Variants in AMZ2 observed in about 807,000 individuals in gnomAD.
AMZ2 encodes archaemetzincin-2.
Under a neutral mutation model 36.7 loss-of-function variants are expected in AMZ2, and 26 were observed. That is an observed-to-expected ratio of 0.71 (90% CI 0.52 to 0.98). The LOEUF (loss-of-function observed/expected upper bound fraction) is 0.98, where lower values mean the gene tolerates loss of function less well. Ranked by LOEUF, AMZ2 falls within the 50% of genes least tolerant of loss-of-function variation. AMZ2 has a pLI of 0.00. For synonymous variants in AMZ2, 144 were observed against 149.1 expected (o/e 0.97, Z 0.25); for missense variants, 394 against 430.5 (o/e 0.92, Z 0.75).
intron 1 of AMZ2, among the ~76,000 whole-genome samples, chr17:68,229,790 T>C (rs1555730767): frequency 1.3e-5 from 2 of 152,196 alleles, no homozygotes; most frequent in South Asian, 2.1e-4. Context: ...ACCACCCCCA[T>C]GTCAGGGGTC....
intron 1 of AMZ2, among the ~76,000 whole-genome samples, chr17:68,228,770 A>T (rs2073580466): frequency 6.6e-6 from 1 of 152,248 alleles, no homozygotes; most frequent in Non-Finnish European, 1.5e-5. Flanking sequence ...CCTGGCCCAT[A>T]TGCTGCCTTG....
At chr17:68,252,936 CT>C (rs2074596425) in intron 4 of AMZ2, among the ~76,000 whole-genome samples, 1 of 152,232 alleles carries the variant, frequency 6.6e-6, no homozygotes, top group Non-Finnish European at 1.5e-5. Flanking sequence ...TACTTTAATT[CT>C]TTTTTTGGTA....
chr17:68,240,807 C>A (rs1281039285), intron 1 of AMZ2, among the ~76,000 whole-genome samples: 1 of 152,154 alleles, frequency 6.6e-6, no homozygotes, highest in Non-Finnish European at 1.5e-5. Flanking sequence ...GAAACTGGAG[C>A]AAACTGTTTA....
At position 68,235,531 on chromosome 17, in the gene AMZ2, AG is replaced by A. The variant is rs1440735722; in HGVS notation, c.-66-13107del. Among the ~76,000 whole-genome samples, 7 of 152,110 alleles carry A rather than the reference AG, an allele frequency of 4.6e-5. No homozygotes were observed. Among genetic ancestry groups the A allele is most frequent in the African/African-American group, 1.7e-4 (7 of 41,418 alleles). On this transcript the variant is annotated intron_variant, in intron 1 of 7. Coordinates refer to the AMZ2 transcript ENST00000674770. This position sits in a 1 kb window ranked among gnomAD's most constrained non-coding sequence, Gnocchi z 4.2. ...ACTGTGGCACACGGGCCTGAGCCTC[AG>A]GAACACTGCAAAGTAGGTTGGCTTC...
upstream of AMZ2, chr17:68,247,633 A>C: frequency 1.0e-6 from 1 of 985,480 alleles, no homozygotes; most frequent in Non-Finnish European, 1.2e-6. Context: ...GCTCTACGTC[A>C]ACCTGCGGCG....
At position 68,235,843 on chromosome 17, in the gene AMZ2, T is replaced by G. The variant is rs1472800759; in HGVS notation, c.-66-12797T>G. Among the ~76,000 whole-genome samples the G allele has an allele frequency of 6.6e-6, 1 of 152,016 alleles. No individual in the cohort carries two copies. Among genetic ancestry groups the G allele is most frequent in the African/African-American group, 2.4e-5 (1 of 41,378 alleles). On this transcript the variant is annotated intron_variant, in intron 1 of 7. Transcript: ENST00000674770. This position sits in a 1 kb window ranked among gnomAD's most constrained non-coding sequence, Gnocchi z 4.2. ...TAGCCCAAAATCTTACTTTTTTTTTTTTTCGAGATAGTTTCTCACTTGGTC... is the reference window on the plus strand; with the variant it reads ...TAGCCCAAAATCTTACTTTTTTTTTGTTTCGAGATAGTTTCTCACTTGGTC...
At chr17:68,216,398 TG>T (rs2073195602) in intron 1 of AMZ2, among the ~76,000 whole-genome samples, 2 of 152,204 alleles carry the variant, frequency 1.3e-5, no homozygotes, top group Non-Finnish European at 2.9e-5. Flanking sequence ...CCTCCCAAAG[TG>T]ATAGGATTAC....
At chr17:68,253,759 A>ATT (rs71142159) in intron 4 of AMZ2, among the ~76,000 whole-genome samples, 55,702 of 146,400 alleles carry the variant, frequency 0.38, 10,958 homozygotes, top group East Asian at 0.58. Flanking sequence ...TGTTCATGTG[A>ATT]TTTTTTTTTT....
At chr17:68,249,020 G>A in intron 1 of AMZ2, 1 of 1,129,746 alleles carries the variant, frequency 8.9e-7, no homozygotes. Context: ...GCCTCGTGGT[G>A]GAACATCGGA....
upstream of AMZ2, chr17:68,248,040 C>G (rs1315195277): frequency 1.0e-6 from 1 of 986,468 alleles, no homozygotes. Flanking sequence ...CGTGGCGTGG[C>G]GCAGTGCGAA....
chr17:68,251,345 T>C (rs1156610623), intron 4 of AMZ2, 167 bp downstream of exon 4: 2 of 770,798 alleles, frequency 2.6e-6, no homozygotes, highest in Non-Finnish European at 3.9e-6. Context: ...ATTGTGATAA[T>C]CTAGGTTCTG....
At chr17:68,232,916 C>G (rs2073699669) in intron 1 of AMZ2, among the ~76,000 whole-genome samples, 1 of 152,212 alleles carries the variant, frequency 6.6e-6, no homozygotes, top group African/African-American at 2.4e-5. Context: ...TGGCTTGGAT[C>G]TTATTGTGGA....
intron 1 of AMZ2, among the ~76,000 whole-genome samples, chr17:68,236,566 C>CTTTTTTT (rs782220711): frequency 6.8e-5 from 7 of 102,972 alleles, no homozygotes; most frequent in African/African-American, 1.9e-4. Flanking sequence ...GGCAAACATC[C>CTTTTTTT]TTTTTTTTTT....
Position 68,219,217 on chromosome 17 carries a change from A to C in AMZ2, c.-67+12979A>C, listed in dbSNP as rs183625503. Among the ~76,000 whole-genome samples the C allele has an allele frequency of 1.6e-4, 25 of 152,254 alleles. 1 individual carries two copies. The highest frequency in any genetic ancestry group is 1.6e-3 in the Admixed American group (25 of 15,302). ...CCTGACCTTGTAATCCGCCCGCCTC[A>C]GCCTCCCAAAGTGCTGAGATGACAG... On this transcript the variant is annotated intron_variant, in intron 1 of 7. Transcript: ENST00000674770.
chr17:68,236,520 G>C (rs1179342985), intron 1 of AMZ2, among the ~76,000 whole-genome samples: 24 of 145,944 alleles, frequency 1.6e-4, no homozygotes, highest in African/African-American at 5.5e-4. Flanking sequence ...AAGTAAAACA[G>C]CACAAAAAGC....
At chr17:68,242,023 C>T (rs1360451597) in intron 1 of AMZ2, among the ~76,000 whole-genome samples, 3 of 151,468 alleles carry the variant, frequency 2.0e-5, no homozygotes, top group Non-Finnish European at 4.4e-5. Context: ...GGATTACAGG[C>T]GTGAGCCATT....
Position 68,235,948 on chromosome 17 carries a change from G to A in AMZ2, c.-66-12692G>A, listed in dbSNP as rs1243011499. Among the ~76,000 whole-genome samples the A allele has an allele frequency of 2.0e-5, 3 of 152,044 alleles. No homozygotes were observed. In the East Asian group the frequency reaches 5.8e-4, roughly 29 times the overall value. The stretch of plus-strand genomic sequence containing the variant: ...GGGCTCAAGCGATTCTCCTGCCTCA[G>A]GCTCCCAAGTAGCTGGGATTATAGG... On this transcript the variant is annotated intron_variant, in intron 1 of 7. Transcript: ENST00000674770. The surrounding 1 kb of genome is among the most constrained non-coding windows in gnomAD (Gnocchi z 4.2).
chr17:68,251,867 C>T (rs1158757140), intron 4 of AMZ2, among the ~76,000 whole-genome samples: 1 of 152,152 alleles, frequency 6.6e-6, no homozygotes, highest in African/African-American at 2.4e-5. Context: ...TAAGTGTATG[C>T]TTCTTTCTCA....
intron 1 of AMZ2, among the ~76,000 whole-genome samples, chr17:68,223,433 C>T (rs1307616042): frequency 6.6e-6 from 1 of 152,186 alleles, no homozygotes; most frequent in Non-Finnish European, 1.5e-5. Flanking sequence ...CTTTAATGGC[C>T]TTTTTGCTCA....
Sources: gnomAD v4.1 joint callset for allele counts (sites outside exome capture counted in the v4.1 genomes callset) on GRCh38, gnomAD v4.1.1 for gene constraint, Gnocchi (gnomAD v3.1) non-coding constraint, MANE v1.5 for transcripts, NCBI Gene and HGNC (gene_info 2026-07-23, HGNC 2026-07-21) for gene names.